Variants in GJB7 observed in about 807,000 individuals in gnomAD.
The protein encoded by GJB7 is gap junction beta-7 protein.
For missense variants in GJB7, 253 were observed against 256.8 expected (o/e 0.99, Z 0.10); for synonymous variants, 87 against 95.2 (o/e 0.91, Z 0.50).
intron 2 of GJB7, among the ~76,000 whole-genome samples, chr6:87,316,872 C>A (rs1321468371): frequency 2.0e-5 from 3 of 152,170 alleles, no homozygotes; most frequent in African/African-American, 7.2e-5. Flanking sequence ...TGGCTTCATG[C>A]TTTGAGGTTT....
chr6:87,290,772 T>C (rs1776156838), intron 2 of GJB7, among the ~76,000 whole-genome samples: 1 of 152,212 alleles, frequency 6.6e-6, no homozygotes, highest in Admixed American at 6.6e-5. Flanking sequence ...TGTTTACTGT[T>C]GTCGATGGCT....
At chr6:87,301,062 G>T (rs1038679582) in intron 2 of GJB7, among the ~76,000 whole-genome samples, 2 of 152,168 alleles carry the variant, frequency 1.3e-5, no homozygotes, top group African/African-American at 4.8e-5. Flanking sequence ...TTCCAATATG[G>T]CTGAATAGGA....
chr6:87,289,424 G>C (rs1459620654), intron 2 of GJB7, among the ~76,000 whole-genome samples: 1 of 152,206 alleles, frequency 6.6e-6, no homozygotes, highest in Non-Finnish European at 1.5e-5. Context: ...TTGAATTTCA[G>C]ATACTACACA....
At chr6:87,315,795 C>CAAAA (rs1161194601) in intron 2 of GJB7, among the ~76,000 whole-genome samples, 269 of 70,366 alleles carry the variant, frequency 3.8e-3, no homozygotes, top group Middle Eastern at 6.6e-3. Context: ...GACTCTATCT[C>CAAAA]AAAAAAAAAA....
At chr6:87,293,777 G>A (rs576484700) in intron 2 of GJB7, among the ~76,000 whole-genome samples, 19 of 152,300 alleles carry the variant, frequency 1.2e-4, no homozygotes, top group African/African-American at 4.6e-4. Context: ...AAAAATGTCA[G>A]CACTAACCCA....
In GJB7 at chr6:87,295,176, A is replaced by C. The variant is rs189800735; in HGVS notation, c.-27-10237T>G. 3.4e-4 allele frequency among the ~76,000 whole-genome samples: 52 copies of C among 152,238 alleles called. 1 individual carries two copies. The highest frequency in any genetic ancestry group is 2.9e-3 in the Admixed American group (45 of 15,288). On this transcript the variant is annotated intron_variant, in intron 2 of 2. Coordinates refer to ENST00000525899, the MANE Select transcript of GJB7 (RefSeq NM_198568.3). ...ATAGATTTTGGGGAAAAAAACAACTACCTTTTGTACTGGGCAGCAAAACAC... is the reference window on the plus strand; with the variant it reads ...ATAGATTTTGGGGAAAAAAACAACTCCCTTTTGTACTGGGCAGCAAAACAC...
intron 1 of GJB7, among the ~76,000 whole-genome samples, chr6:87,328,889 C>T (rs1445901815): frequency 1.8e-4 from 28 of 152,214 alleles, no homozygotes; most frequent in Admixed American, 1.8e-3. Context: ...GACTGCTGTG[C>T]TAGCAATCAG....
chr6:87,323,457 A>G (rs1385583331), intron 1 of GJB7, among the ~76,000 whole-genome samples: 1 of 118,838 alleles, frequency 8.4e-6, no homozygotes, highest in Admixed American at 1.1e-4. Context: ...TCAGAGTGTG[A>G]TGTTCCCCTT....
At chr6:87,311,015 C>G (rs1037561025) in intron 2 of GJB7, among the ~76,000 whole-genome samples, 1 of 152,110 alleles carries the variant, frequency 6.6e-6, no homozygotes, top group African/African-American at 2.4e-5. Context: ...GTAAGTCTAT[C>G]TTTATTTCCA....
At chr6:87,326,957 T>C (rs1776837792) in intron 1 of GJB7, among the ~76,000 whole-genome samples, 1 of 110,524 alleles carries the variant, frequency 9.0e-6, no homozygotes. Flanking sequence ...GCTCCTGTAT[T>C]GGGTGCATAT....
chr6:87,296,116 T>C (rs1776246542), intron 2 of GJB7, among the ~76,000 whole-genome samples: 1 of 152,246 alleles, frequency 6.6e-6, no homozygotes. Flanking sequence ...ATGTATTTGC[T>C]GTATATACAG....
In GJB7 at chr6:87,283,512, C is replaced by G. The variant is rs1315400689; in HGVS notation, c.*729G>C. 1.3e-5 allele frequency: 2 copies of G among 152,278 alleles called. No homozygotes were observed. Among genetic ancestry groups the G allele is most frequent in the African/African-American group, 2.4e-5 (1 of 41,462 alleles). 9.4% of individuals were successfully genotyped at this position (152,278 alleles called of 1,614,324 possible). A position where few individuals can be genotyped will look rare whatever the true frequency, so the allele number is the denominator to read the frequency against. On this transcript the variant is annotated 3_prime_UTR_variant, in exon 3 of 3. Coordinates refer to ENST00000525899, the MANE Select transcript of GJB7 (RefSeq NM_198568.3). ...CTGAAATGATAGCTTTCCTCCCTCT[C>G]CTCTAATCCACTTATATCCAAGGAT...
At chr6:87,313,541 T>C (rs1218497036) in intron 2 of GJB7, among the ~76,000 whole-genome samples, 1 of 152,188 alleles carries the variant, frequency 6.6e-6, no homozygotes, top group East Asian at 1.9e-4. Context: ...TCCATAAAGA[T>C]TTATTATTAA....
At chr6:87,305,414 T>A (rs1393109520) in intron 2 of GJB7, among the ~76,000 whole-genome samples, 1 of 152,038 alleles carries the variant, frequency 6.6e-6, no homozygotes, top group South Asian at 2.1e-4. Flanking sequence ...CATGAGTGAA[T>A]TCCCATTCAC....
chr6:87,311,977 C>T (rs368267), intron 2 of GJB7, among the ~76,000 whole-genome samples: 92,550 of 151,792 alleles, frequency 0.61, 28,508 homozygotes, highest in African/African-American at 0.65. Context: ...AAGCCTAAAA[C>T]TAAAAAAGAA....
At chr6:87,318,076 A>T (rs1326907767) in intron 2 of GJB7, among the ~76,000 whole-genome samples, 1 of 151,906 alleles carries the variant, frequency 6.6e-6, no homozygotes, top group Non-Finnish European at 1.5e-5. Flanking sequence ...GAAGAAAAAG[A>T]GTAATGAATT....
intron 2 of GJB7, among the ~76,000 whole-genome samples, chr6:87,309,216 C>T (rs1776480261): frequency 1.3e-5 from 2 of 152,212 alleles, no homozygotes; most frequent in Admixed American, 6.5e-5. Flanking sequence ...CCTGGATCCT[C>T]CTTCATCTTC....
rs1420076021 is a variant in GJB7, at chr6:87,283,457, C to A, written c.*784G>T. ...GTTCAGGCTTAAGTGGGATACCTCCCAGTAATATTTCTACTTGATTTGGAG... is the reference window on the plus strand; with the variant it reads ...GTTCAGGCTTAAGTGGGATACCTCCAAGTAATATTTCTACTTGATTTGGAG... On this transcript the variant is annotated 3_prime_UTR_variant, in exon 3 of 3. Coordinates refer to ENST00000525899, the MANE Select transcript of GJB7 (RefSeq NM_198568.3). 1 of 152,220 alleles carries A rather than the reference C, an allele frequency of 6.6e-6. No individual in the cohort carries two copies. Among genetic ancestry groups the A allele is most frequent in the African/African-American group, 2.4e-5 (1 of 41,448 alleles). 9.4% of individuals were successfully genotyped at this position (152,220 alleles called of 1,614,324 possible).
Position 87,316,848 on chromosome 6 carries a change from C to T in GJB7, c.-28+6018G>A, listed in dbSNP as rs142876121. ...CATTCTTTAGCAATAAGAAACACACCGCACCACACTATATGGCTTCATGCT... is the reference window on the plus strand; with the variant it reads ...CATTCTTTAGCAATAAGAAACACACTGCACCACACTATATGGCTTCATGCT... On this transcript the variant is annotated intron_variant, in intron 2 of 2. Transcript: ENST00000525899. 1.2e-4 allele frequency among the ~76,000 whole-genome samples: 18 copies of T among 152,234 alleles called. No individual in the cohort carries two copies. The South Asian group carries it at 2.5e-3, about 21-fold the overall frequency.
Sources: gnomAD v4.1 joint callset for allele counts (sites outside exome capture counted in the v4.1 genomes callset) on GRCh38, gnomAD v4.1.1 for gene constraint, MANE v1.5 for transcripts, NCBI Gene and HGNC (gene_info 2026-07-23, HGNC 2026-07-21) for gene names.